The following GRB2 variants were observed in gnomAD, a reference collection of about 807,000 sequenced individuals.
GRB2 encodes the protein growth factor receptor-bound protein 2.
GRB2 carries 2 observed loss-of-function variants against 27.4 expected under a neutral mutation model. The ratio of observed to expected loss-of-function variants is 0.07; its 90% CI spans 0.03 to 0.23. The LOEUF (loss-of-function observed/expected upper bound fraction) is 0.23, where lower values mean the gene tolerates loss of function less well. Ranked by LOEUF, GRB2 falls within the 10% of genes least tolerant of loss-of-function variation. GRB2 has a pLI of 1.00. For missense variants in GRB2, 102 were observed against 282.4 expected, an observed-to-expected ratio of 0.36 and a Z score of 4.58; for synonymous variants, 94 against 99.6, an observed-to-expected ratio of 0.94 and a Z score of 0.33.
At chr17:75,324,551 C>CTTTTTTTTTT (rs2078486110) in intron 4 of GRB2, among the ~76,000 whole-genome samples, 1 of 111,746 alleles carries the variant, frequency 8.9e-6, no homozygotes, top group East Asian at 3.0e-4. Flanking sequence ...CAGAGTTTTG[C>CTTTTTTTTTT]TCTTCGCCCA....
intron 1 of GRB2, among the ~76,000 whole-genome samples, chr17:75,394,599 T>C (rs541887180): frequency 6.6e-6 from 1 of 152,284 alleles, no homozygotes; most frequent in East Asian, 1.9e-4. Flanking sequence ...CTCCACATTA[T>C]TTCTAACTAA....
rs376516709 is a variant in GRB2 at position 75,396,668 on chromosome 17, G to A, written c.-137-2903C>T. Among the ~76,000 whole-genome samples the A allele has an allele frequency of 2.6e-5, 4 of 152,186 alleles. No homozygotes were observed. The East Asian group carries it at 5.8e-4, about 22-fold the overall frequency. On this transcript the variant is annotated intron_variant, in intron 1 of 5. Transcript: ENST00000316804. The stretch of plus-strand genomic sequence containing the variant: ...CTCCCAAAGTGCTAGGAATACAGGG[G>A]AGAGTGAGCCACCACGCCCAGCCCT...
rs574439496 is a variant in GRB2, at chr17:75,333,084, T to G, written c.79-287A>C. 1.8e-4 allele frequency among the ~76,000 whole-genome samples: 28 copies of G among 151,964 alleles called. 1 individual carries two copies. Among genetic ancestry groups the G allele is most frequent in the Admixed American group, 2.6e-4 (4 of 15,262 alleles). ...AGAAGAATGGCAAGTATTAGTTGTT[T>G]TTTTTTTTTAAGACGGAGTCTTGCT... On this transcript the variant is annotated intron_variant, in intron 2 of 5. Coordinates refer to ENST00000316804, the MANE Select transcript of GRB2 (RefSeq NM_002086.5).
chr17:75,374,143 T>C (rs9302991), intron 2 of GRB2, among the ~76,000 whole-genome samples: 99,062 of 151,530 alleles, frequency 0.65, 37,726 homozygotes, highest in East Asian at 0.91. Context: ...CAGAGGCTCA[T>C]GCTTGTAATC....
At chr17:75,376,397 TG>T (rs1198960878) in intron 2 of GRB2, among the ~76,000 whole-genome samples, 2 of 150,056 alleles carry the variant, frequency 1.3e-5, no homozygotes, top group Non-Finnish European at 3.0e-5. Context: ...GGCATGCTCC[TG>T]TAATCCCAGC....
intron 2 of GRB2, among the ~76,000 whole-genome samples, chr17:75,380,482 T>C (rs1452192687): frequency 6.6e-6 from 1 of 152,092 alleles, no homozygotes; most frequent in Non-Finnish European, 1.5e-5. Flanking sequence ...TATATGTGAG[T>C]AAGGATGTTT....
At chr17:75,378,431 GAAT>G (rs1212009189) in intron 2 of GRB2, among the ~76,000 whole-genome samples, 1 of 152,190 alleles carries the variant, frequency 6.6e-6, no homozygotes, top group East Asian at 1.9e-4. Flanking sequence ...AGTTACACAA[GAAT>G]AATTTTTCAT....
intron 2 of GRB2, among the ~76,000 whole-genome samples, chr17:75,376,896 T>C (rs1212074742): frequency 6.6e-6 from 1 of 151,954 alleles, no homozygotes; most frequent in Non-Finnish European, 1.5e-5. Context: ...GGTGGATACC[T>C]GTAGTTCCAG....
intron 2 of GRB2, among the ~76,000 whole-genome samples, chr17:75,341,461 A>C (rs1188508854): frequency 2.0e-5 from 3 of 151,318 alleles, no homozygotes; most frequent in Middle Eastern, 3.4e-3. Flanking sequence ...AAAAAAAAAA[A>C]AAAAAAAACA....
rs67737628 is a variant in GRB2, at chr17:75,346,162, A to ATTTTT, written c.79-13370_79-13366dup. The stretch of plus-strand genomic sequence containing the variant: ...TCAGTGGTCTTCCTCTCGGCCACTG[A>ATTTTT]TTTTTTTTTTTTTTTTTTCTGAAAA... On this transcript the variant is annotated intron_variant, in intron 2 of 5. Transcript: ENST00000316804. 3.9e-4 allele frequency among the ~76,000 whole-genome samples: 52 copies of ATTTTT among 134,234 alleles called. No homozygotes were observed. The South Asian group carries it at 7.9e-3, about 20-fold the overall frequency. The allele number at this position is 134,234 out of a possible 152,430, so 88.1% of individuals were successfully genotyped here.
In GRB2 at chr17:75,350,235, G is replaced by GGA. The variant is rs1555610397; in HGVS notation, c.79-17439_79-17438insTC. On this transcript the variant is annotated intron_variant, in intron 2 of 5. Transcript: ENST00000316804. Reference sequence around the variant, plus strand: ...TATAGCAAGATCTCATCTCTGAGGGGAAAAAAAAAAAAAAAAAGACTGAGT... The same window carrying GGA: ...TATAGCAAGATCTCATCTCTGAGGGGGAAAAAAAAAAAAAAAAAAGACTGAGT... Among the ~76,000 whole-genome samples the GGA allele has an allele frequency of 8.7e-3, 1,141 of 130,968 alleles. 19 individuals carry two copies. The highest frequency in any genetic ancestry group is 0.052 in the South Asian group (219 of 4,222). The allele number at this position is 130,968 out of a possible 152,430, so 85.9% of individuals were successfully genotyped here. A position where few individuals can be genotyped will look rare whatever the true frequency, so the allele number is the denominator to read the frequency against.
At chr17:75,348,560 G>C (rs1166056924) in intron 2 of GRB2, among the ~76,000 whole-genome samples, 1 of 152,202 alleles carries the variant, frequency 6.6e-6, no homozygotes, top group Non-Finnish European at 1.5e-5. Context: ...GCCCTCAGAA[G>C]TGTTTATGAG....
chr17:75,329,403 T>G (rs1318133892), intron 3 of GRB2, among the ~76,000 whole-genome samples: 1 of 152,186 alleles, frequency 6.6e-6, no homozygotes, highest in Non-Finnish European at 1.5e-5. Context: ...TTCCAGACCT[T>G]TCTGTCTGGT....
Position 75,320,292 on chromosome 17 carries a change from G to A in GRB2, c.*76C>T, listed in dbSNP as rs2078449675. Reference sequence around the variant, plus strand: ...TGCACTCCCTCACAGGCTGCTGTCAGAGGCAGCTTGTGGGTTTAATTCTTT... The same window carrying A: ...TGCACTCCCTCACAGGCTGCTGTCAAAGGCAGCTTGTGGGTTTAATTCTTT... On this transcript the variant is annotated 3_prime_UTR_variant, in exon 6 of 6. Transcript: ENST00000316804. The surrounding 1 kb of genome is among the most constrained non-coding windows in gnomAD (Gnocchi z 4.3). 2 of 1,274,580 alleles carry A rather than the reference G, an allele frequency of 1.6e-6. No homozygotes were observed. The highest frequency in any genetic ancestry group is 2.3e-6 in the Non-Finnish European group (2 of 878,940). The allele number at this position is 1,274,580 out of a possible 1,614,324, so 79.0% of individuals were successfully genotyped here. A position where few individuals can be genotyped will look rare whatever the true frequency, so the allele number is the denominator to read the frequency against.
chr17:75,402,867 G>A (rs1447920849), intron 1 of GRB2, among the ~76,000 whole-genome samples: 1 of 151,646 alleles, frequency 6.6e-6, no homozygotes, highest in African/African-American at 2.4e-5. Context: ...CCTGAAGTCG[G>A]GAGTTCCAGA....
At chr17:75,361,342 C>T (rs2078780432) in intron 2 of GRB2, among the ~76,000 whole-genome samples, 1 of 152,130 alleles carries the variant, frequency 6.6e-6, no homozygotes, top group South Asian at 2.1e-4. Flanking sequence ...GGCAAAGATC[C>T]AAATGCACAT....
chr17:75,320,176 A>G lies in GRB2; in HGVS notation c.*192T>C, dbSNP rs1221358161. 5 of 536,426 alleles carry G rather than the reference A, an allele frequency of 9.3e-6. No individual in the cohort carries two copies. The highest frequency in any genetic ancestry group is 1.7e-5 in the Non-Finnish European group (5 of 295,170). 33.2% of individuals were successfully genotyped at this position (536,426 alleles called of 1,614,324 possible). On this transcript the variant is annotated 3_prime_UTR_variant, in exon 6 of 6. Transcript: ENST00000316804. This position sits in a 1 kb window ranked among gnomAD's most constrained non-coding sequence, Gnocchi z 4.3. ...AAAAACTCTTCTTAATTTATAGGTA[A>G]GTTTTGGCATTTTTAAATCCAACGC...
Position 75,320,432 on chromosome 17 carries a change from G to T in GRB2, c.590C>A (p.Ala197Asp). Residue 197 changes from alanine (A) to aspartate (D), a missense_variant, in exon 6 of 6, where the codon GCT (alanine) becomes GAT (aspartate). Physicochemically the swap from Ala to Asp is moderately radical, Grantham distance 126. Transcript: ENST00000316804. This position sits in a 1 kb window ranked among gnomAD's most constrained non-coding sequence, Gnocchi z 4.3. The part of the protein sequence containing the change: ...DNSDPNWWKG[A>D]CHGQTGMFPR... Reference sequence around the variant, plus strand: ...AAACATGCCGGTCTGCCCGTGGCAAGCTCCTTTCCACCAGTTGGGGTCTGA... The same window carrying T: ...AAACATGCCGGTCTGCCCGTGGCAATCTCCTTTCCACCAGTTGGGGTCTGA... 6.2e-7 allele frequency: 1 copy of T among 1,614,146 alleles called. No homozygotes were observed. The highest frequency in any genetic ancestry group is 8.5e-7 in the Non-Finnish European group (1 of 1,179,996).
At chr17:75,346,551 G>A (rs2078656173) in intron 2 of GRB2, among the ~76,000 whole-genome samples, 1 of 144,246 alleles carries the variant, frequency 6.9e-6, no homozygotes, top group East Asian at 2.1e-4. Flanking sequence ...TGTCTCTCCA[G>A]ATCCAGTTAC....
Sources: gnomAD v4.1 joint callset for allele counts (sites outside exome capture counted in the v4.1 genomes callset) on GRCh38, gnomAD v4.1.1 for gene constraint, Gnocchi (gnomAD v3.1) non-coding constraint, MANE v1.5 for transcripts, NCBI Gene and HGNC (gene_info 2026-07-23, HGNC 2026-07-21) for gene names.